Variants in GRIN2B observed in about 807,000 individuals in gnomAD.
GRIN2B encodes the protein glutamate receptor ionotropic, NMDA 2B.
A neutral mutation model predicts 114.5 loss-of-function variants in GRIN2B; 5 were observed. That is an observed-to-expected ratio of 0.04 (90% CI 0.02 to 0.09). The LOEUF (loss-of-function observed/expected upper bound fraction) is 0.09, where lower values mean the gene tolerates loss of function less well. Among genes scored for constraint, GRIN2B ranks in the 10% least tolerant of loss-of-function variants. GRIN2B has a pLI of 1.00. For synonymous variants in GRIN2B, 787 were observed against 745.1 expected (o/e 1.06, Z -0.92); for missense variants, 1,108 against 1,943.5 (o/e 0.57, Z 8.08).
chr12:13,925,965 A>G (rs1005820146), intron 2 of GRIN2B, among the ~76,000 whole-genome samples: 19 of 152,200 alleles, frequency 1.2e-4, no homozygotes, highest in African/African-American at 4.6e-4. Context: ...ATAGATAAAG[A>G]AAACTAAAGT....
chr12:13,910,934 G>T (rs938263082), intron 2 of GRIN2B, among the ~76,000 whole-genome samples: 7 of 151,840 alleles, frequency 4.6e-5, no homozygotes, highest in African/African-American at 1.7e-4. Flanking sequence ...ACACTGATGG[G>T]TGTCTGGAAT....
chr12:13,877,398 T>C (rs1329528148), intron 2 of GRIN2B, among the ~76,000 whole-genome samples: 1 of 152,230 alleles, frequency 6.6e-6, no homozygotes, highest in Non-Finnish European at 1.5e-5. Flanking sequence ...TAAATTTCCA[T>C]CATTATTCCT....
intron 2 of GRIN2B, among the ~76,000 whole-genome samples, chr12:13,978,844 A>G (rs972435731): frequency 6.6e-6 from 1 of 152,216 alleles, no homozygotes; most frequent in African/African-American, 2.4e-5. Context: ...GACTAGCTGA[A>G]GAGTCATTAG....
intron 2 of GRIN2B, among the ~76,000 whole-genome samples, chr12:13,877,087 A>T (rs1866001023): frequency 6.6e-6 from 1 of 152,190 alleles, no homozygotes; most frequent in Non-Finnish European, 1.5e-5. Flanking sequence ...GTAATTGCCT[A>T]TGTATCTGGA....
intron 3 of GRIN2B, among the ~76,000 whole-genome samples, chr12:13,856,852 C>G (rs1392181407): frequency 6.6e-6 from 1 of 152,144 alleles, no homozygotes; most frequent in African/African-American, 2.4e-5. Context: ...AGCTACATGT[C>G]CAGCCCAAAT....
intron 4 of GRIN2B, among the ~76,000 whole-genome samples, chr12:13,748,364 T>C (rs183077973): frequency 1.3e-5 from 2 of 152,102 alleles, no homozygotes; most frequent in Admixed American, 1.3e-4. Flanking sequence ...ATCACGTGAG[T>C]GACAGAAACA....
At chr12:13,752,054 C>G (rs560550919) in intron 4 of GRIN2B, among the ~76,000 whole-genome samples, 2 of 152,312 alleles carry the variant, frequency 1.3e-5, no homozygotes, top group South Asian at 2.1e-4. Context: ...ACAGATATAA[C>G]TACTGTGAAC....
intron 5 of GRIN2B, among the ~76,000 whole-genome samples, chr12:13,656,554 G>A (rs901063321): frequency 3.3e-5 from 5 of 152,144 alleles, no homozygotes; most frequent in Admixed American, 2.6e-4. Context: ...TCTGCTCTAG[G>A]TTGTTATTAC....
chr12:13,816,510 A>G (rs1219256291), intron 3 of GRIN2B, among the ~76,000 whole-genome samples: 1 of 152,190 alleles, frequency 6.6e-6, no homozygotes, highest in Admixed American at 6.5e-5. Flanking sequence ...AGATACCAGC[A>G]GGCTTTTTTG....
At chr12:13,689,808 T>C (rs1375015995) in intron 4 of GRIN2B, among the ~76,000 whole-genome samples, 2 of 152,184 alleles carry the variant, frequency 1.3e-5, no homozygotes, top group Non-Finnish European at 2.9e-5. Context: ...CCAAGAACCA[T>C]CTTTGCTGTC....
chr12:13,833,390 C>T (rs1209723731), intron 3 of GRIN2B, among the ~76,000 whole-genome samples: 3 of 152,202 alleles, frequency 2.0e-5, no homozygotes, highest in Non-Finnish European at 4.4e-5. Context: ...TTCTTCCCCT[C>T]CATCTCCTCT....
intron 5 of GRIN2B, among the ~76,000 whole-genome samples, chr12:13,668,943 A>G (rs1404879379): frequency 6.8e-6 from 1 of 146,060 alleles, no homozygotes; most frequent in Non-Finnish European, 1.5e-5. Context: ...AGGAGAAGTA[A>G]AAAGGAAGAG....
chr12:13,656,359 G>T (rs989562480), intron 5 of GRIN2B, among the ~76,000 whole-genome samples: 8 of 152,200 alleles, frequency 5.3e-5, no homozygotes, highest in Non-Finnish European at 1.0e-4. Flanking sequence ...CTGTTTTGCA[G>T]TGGGGTAGGG....
rs144166340 is a variant in GRIN2B, at chr12:13,916,055, G to T, written c.-18-49829C>A. The stretch of plus-strand genomic sequence containing the variant: ...CCTCCTGCAGTGGGATAACTCTATA[G>T]AGCTGTGGGGCACCTAAGCAAAAAC... On this transcript the variant is annotated intron_variant, in intron 2 of 13. Transcript: ENST00000609686. Among the ~76,000 whole-genome samples the T allele has an allele frequency of 4.7e-3, 718 of 152,206 alleles. 16 individuals carry two copies. Among genetic ancestry groups the T allele is most frequent in the Non-Finnish European group, 1.4e-3 (98 of 68,010 alleles).
rs142042853 is a variant in GRIN2B at position 13,753,195 on chromosome 12, G to A, written c.1010+122C>T. On this transcript the variant is annotated intron_variant, in intron 4 of 13. Coordinates refer to ENST00000609686, the MANE Select transcript of GRIN2B (RefSeq NM_000834.5). This position sits in a 1 kb window ranked among gnomAD's most constrained non-coding sequence, Gnocchi z 6.2. ...AATCATGACCAATTGCCATGCCCAA[G>A]GCCAGGCTTCAACCTGCTACCGTCT... The A allele has an allele frequency of 1.0e-5, 8 of 785,190 alleles. No homozygotes were observed. Among genetic ancestry groups the A allele is most frequent in the Admixed American group, 6.8e-5 (4 of 58,866 alleles). 48.6% of individuals were successfully genotyped at this position (785,190 alleles called of 1,614,324 possible).
intron 4 of GRIN2B, among the ~76,000 whole-genome samples, chr12:13,679,712 T>C (rs1459917278): frequency 6.6e-6 from 1 of 152,194 alleles, no homozygotes; most frequent in Non-Finnish European, 1.5e-5. Flanking sequence ...CATGCAAATA[T>C]ACATCAGCCT....
chr12:13,759,334 A>C, intron 3 of GRIN2B, among the ~76,000 whole-genome samples: 1 of 152,126 alleles, frequency 6.6e-6, no homozygotes, highest in East Asian at 1.9e-4. Flanking sequence ...TGCTGATGGC[A>C]CATATCTACC....
intron 4 of GRIN2B, among the ~76,000 whole-genome samples, chr12:13,696,232 T>C (rs374189339): frequency 7.9e-5 from 12 of 152,264 alleles, no homozygotes; most frequent in East Asian, 3.9e-4. Flanking sequence ...AGTATGAGTA[T>C]ACAGAATGAT....
At chr12:13,570,781 G>C (rs914924734) in intron 11 of GRIN2B, among the ~76,000 whole-genome samples, 1 of 152,184 alleles carries the variant, frequency 6.6e-6, no homozygotes, top group Non-Finnish European at 1.5e-5. Context: ...CAAAGGTAGA[G>C]GAAGAAATTT....
Sources: gnomAD v4.1 joint callset for allele counts (sites outside exome capture counted in the v4.1 genomes callset) on GRCh38, gnomAD v4.1.1 for gene constraint, Gnocchi (gnomAD v3.1) non-coding constraint, MANE v1.5 for transcripts, NCBI Gene and HGNC (gene_info 2026-07-23, HGNC 2026-07-21) for gene names.